The following AHNAK variants were observed in gnomAD, a reference collection of about 807,000 sequenced individuals.
The protein encoded by AHNAK is neuroblast differentiation-associated protein AHNAK.
In AHNAK, 23 loss-of-function variants were observed where a neutral mutation model predicts 37.8. That is an observed-to-expected ratio of 0.61 (90% CI 0.44 to 0.86). The LOEUF is 0.86. Ranked by LOEUF, AHNAK falls within the 40% of genes least tolerant of loss-of-function variation. The pLI is 0.00. For synonymous variants in AHNAK, 2,481 were observed against 2,636.3 expected (o/e 0.94, Z 1.80); for missense variants, 7,411 against 7,319.4 (o/e 1.01, Z -0.46).
intron 4 of AHNAK, among the ~76,000 whole-genome samples, chr11:62,503,923 G>A (rs566930657): frequency 6.6e-6 from 1 of 152,244 alleles, no homozygotes; most frequent in South Asian, 2.1e-4. Flanking sequence ...CACTTTGGGA[G>A]GCCGAGGCGG....
In AHNAK at chr11:62,525,954, T is replaced by C; in HGVS notation, c.8463A>G (p.Pro2821=). Residue 2821 remains proline (P), a synonymous_variant, in exon 5 of 5, where the codon CCA becomes CCG. Coordinates refer to ENST00000378024, the MANE Select transcript of AHNAK (RefSeq NM_001620.3). ...AATGCATCTCTGGCATCTTAAACTTTGGACTTTTCCACTTTCCTTCAGGTC... is the reference window on the plus strand; with the variant it reads ...AATGCATCTCTGGCATCTTAAACTTCGGACTTTTCCACTTTCCTTCAGGTC... The part of the protein sequence containing the change: ...IEGPEGKWKS[P]KFKMPEMHFK... The C allele has an allele frequency of 1.2e-6, 2 of 1,614,056 alleles. No individual in the cohort carries two copies. The highest frequency in any genetic ancestry group is 2.2e-5 in the East Asian group (1 of 44,870).
intron 5 of AHNAK, among the ~76,000 whole-genome samples, chr11:62,437,200 T>A (rs1757354558): frequency 6.6e-6 from 1 of 152,214 alleles, no homozygotes; most frequent in Non-Finnish European, 1.5e-5. Flanking sequence ...CATATAATCT[T>A]TTCATCATTG....
chr11:62,524,391 A>G lies in AHNAK; in HGVS notation c.10026T>C (p.Asn3342=), dbSNP rs749042834. The G allele has an allele frequency of 1.2e-6, 2 of 1,612,440 alleles. No individual in the cohort carries two copies. Among genetic ancestry groups the G allele is most frequent in the Middle Eastern group, 1.6e-4 (1 of 6,070 alleles). The part of the protein sequence containing the change: ...PEVDVSGPKL[N]IEGKSKKSRF... ...GAGATTTCTTTGACTTGCCTTCGAT[A>G]TTAAGCTTAGGACCGGAAACGTCCA... Residue 3342 remains asparagine (N), a synonymous_variant, in exon 5 of 5, where the codon AAT becomes AAC. Coordinates refer to ENST00000378024, the MANE Select transcript of AHNAK (RefSeq NM_001620.3).
rs202223621 is a variant in AHNAK, at chr11:62,518,588, C to T, written c.15829G>A (p.Asp5277Asn). ...RGPDVKLEGP[D>N]VSLKGPGVDL... ...ACTCCTGGCCCCTTTAGAGAAACAT[C>T]GGGCCCTTCGAGCTTAACATCTGGT... Residue 5277 changes from aspartate to asparagine, a missense_variant, in exon 5 of 5, where the codon GAT becomes AAT. By Grantham distance (23) the Asp-to-Asn change is conservative (BLOSUM62 1). Coordinates refer to ENST00000378024, the MANE Select transcript of AHNAK (RefSeq NM_001620.3). 8.6e-5 allele frequency: 139 copies of T among 1,614,050 alleles called. No individual in the cohort carries two copies. The highest frequency in any genetic ancestry group is 9.2e-5 in the Non-Finnish European group (108 of 1,180,040).
chr11:62,535,164 A>G lies in AHNAK; in HGVS notation c.181T>C (p.Tyr61His). Residue 61 changes from tyrosine (Y) to histidine (H), a missense_variant, in exon 4 of 5, where the codon TAC becomes CAC. By Grantham distance (83) the Tyr-to-His change is moderately conservative (BLOSUM62 2). Coordinates refer to ENST00000378024, the MANE Select transcript of AHNAK (RefSeq NM_001620.3). ...EGDQIVGATIYFDNLQSGEVT... is the reference protein window; with the variant it reads ...EGDQIVGATIHFDNLQSGEVT... The stretch of plus-strand genomic sequence containing the variant: ...TCACCCGACTGCAGGTTGTCAAAGT[A>G]GATGGTGGCACCCACAATCTGGTCC... 6.2e-7 allele frequency: 1 copy of G among 1,612,116 alleles called. No homozygotes were observed. The highest frequency in any genetic ancestry group is 1.3e-5 in the African/African-American group (1 of 75,012).
At chr11:62,543,090 C>G (rs1314491713) in intron 1 of AHNAK, among the ~76,000 whole-genome samples, 2 of 152,156 alleles carry the variant, frequency 1.3e-5, no homozygotes, top group Non-Finnish European at 2.9e-5. Context: ...CGCTCCAGCC[C>G]CCGGGGGACC....
At chr11:62,442,801 G>C in intron 5 of AHNAK, among the ~76,000 whole-genome samples, 1 of 144,358 alleles carries the variant, frequency 6.9e-6, no homozygotes, top group South Asian at 2.3e-4. Flanking sequence ...CCAGGAGGCA[G>C]AGGTTGCAGT....
At chr11:62,493,853 G>A (rs1209657697) in intron 4 of AHNAK, among the ~76,000 whole-genome samples, 1 of 151,982 alleles carries the variant, frequency 6.6e-6, no homozygotes, top group Non-Finnish European at 1.5e-5. Flanking sequence ...GACTGTTGGG[G>A]CCACTTAAAT....
intron 5 of AHNAK, among the ~76,000 whole-genome samples, chr11:62,440,810 T>C (rs2513063): frequency 0.048 from 7,312 of 151,958 alleles, 573 homozygotes; most frequent in African/African-American, 0.17. Context: ...CAAGTTATAG[T>C]GGGGGTTCAC....
At chr11:62,451,335 A>G (rs1335884819) in intron 5 of AHNAK, among the ~76,000 whole-genome samples, 4 of 150,898 alleles carry the variant, frequency 2.7e-5, no homozygotes, top group African/African-American at 7.3e-5. Flanking sequence ...CACTCGCCCT[A>G]TGTCCACTCT....
In AHNAK at chr11:62,529,020, T is replaced by C. The variant is rs2134230699; in HGVS notation, c.5397A>G (p.Ile1799Met). The C allele has an allele frequency of 6.2e-7, 1 of 1,613,926 alleles. No individual in the cohort carries two copies. The highest frequency in any genetic ancestry group is 8.5e-7 in the Non-Finnish European group (1 of 1,179,966). The change falls in exon 5 of 5, where the codon ATA (isoleucine) becomes ATG (methionine). Residue 1799 changes from isoleucine to methionine, a missense_variant. Transcript: ENST00000378024. ...NLKGPKLKGEIDASVPELEGD... is the reference protein window; with the variant it reads ...NLKGPKLKGEMDASVPELEGD... ...CTTCCAGTTCTGGCACAGAAGCATC[T>C]ATCTCTCCCTTCAGTTTGGGTCCCT...
chr11:62,494,600 C>T (rs1199756738), intron 4 of AHNAK, among the ~76,000 whole-genome samples: 2 of 152,038 alleles, frequency 1.3e-5, no homozygotes, highest in South Asian at 2.1e-4. Flanking sequence ...GGCACAATGG[C>T]TCACACCTGT....
At chr11:62,470,443 C>CA (rs1190566321) in intron 5 of AHNAK, among the ~76,000 whole-genome samples, 119 of 133,366 alleles carry the variant, frequency 8.9e-4, no homozygotes, top group Middle Eastern at 3.9e-3. Flanking sequence ...GACTCTGTCT[C>CA]AAAAAAAAAA....
At chr11:62,474,187 CTT>C (rs201384293) in intron 5 of AHNAK, among the ~76,000 whole-genome samples, 19 of 142,278 alleles carry the variant, frequency 1.3e-4, no homozygotes, top group Admixed American at 2.8e-4. Context: ...AAACCTACAT[CTT>C]TTTTTTTTTT....
At chr11:62,437,356 T>C (rs1383369750) in intron 5 of AHNAK, among the ~76,000 whole-genome samples, 1 of 152,144 alleles carries the variant, frequency 6.6e-6, no homozygotes, top group Non-Finnish European at 1.5e-5. Context: ...ACCCCTCAGC[T>C]TTGTTTTGTT....
Position 62,532,734 on chromosome 11 carries a change from G to T in AHNAK, c.1683C>A (p.Ser561=), listed in dbSNP as rs142399976. 8.1e-6 allele frequency: 13 copies of T among 1,613,800 alleles called. No homozygotes were observed. Among genetic ancestry groups the T allele is most frequent in the Non-Finnish European group, 1.1e-5 (13 of 1,179,974 alleles). ...TLTGPRLGSP[S]GKTGTCRISM... is the part of the protein sequence containing the mutation. ...AGATCCTACAGGTTCCGGTTTTCCC[G>T]GAAGGACTGCCAAGCCTAGGGCCTG... is the stretch of plus-strand genomic sequence containing the variant. Residue 561 remains serine (S), a synonymous_variant, in exon 5 of 5, where the codon TCC becomes TCA. Coordinates refer to ENST00000378024, the MANE Select transcript of AHNAK (RefSeq NM_001620.3).
intron 5 of AHNAK, among the ~76,000 whole-genome samples, chr11:62,442,597 G>C (rs1047132346): frequency 5.3e-5 from 8 of 151,894 alleles, no homozygotes; most frequent in Admixed American, 5.3e-4. Context: ...TTGCCCAGGT[G>C]CAGTGGCTCA....
intron 5 of AHNAK, among the ~76,000 whole-genome samples, chr11:62,448,384 C>T (rs753787698): frequency 6.6e-6 from 1 of 152,152 alleles, no homozygotes; most frequent in Non-Finnish European, 1.5e-5. Flanking sequence ...GACTCACAGC[C>T]GTCCAGGTGA....
Position 62,525,282 on chromosome 11 carries a change from G to C in AHNAK, c.9135C>G (p.Asn3045Lys), listed in dbSNP as rs1370513620. The stretch of plus-strand genomic sequence containing the variant: ...AGACATCAAGGTCAGCCTTGGGCAG[G>C]TTCACATCCACATCTGGGCCCTCTC... ...FKGEGPDVDV[N>K]LPKADLDVSG... The change falls in exon 5 of 5, where the codon AAC becomes AAG. Residue 3045 changes from asparagine (N) to lysine (K), a missense_variant. Transcript: ENST00000378024. 2 of 1,612,490 alleles carry C rather than the reference G, an allele frequency of 1.2e-6. No homozygotes were observed. The highest frequency in any genetic ancestry group is 1.1e-5 in the South Asian group (1 of 91,000).
Sources: gnomAD v4.1 joint callset for allele counts (sites outside exome capture counted in the v4.1 genomes callset) on GRCh38, gnomAD v4.1.1 for gene constraint, MANE v1.5 for transcripts, NCBI Gene and HGNC (gene_info 2026-07-23, HGNC 2026-07-21) for gene names.